Variants in CCDC50 observed in about 807,000 individuals in gnomAD.
CCDC50 encodes the protein coiled-coil domain containing 50.
A neutral mutation model predicts 70.2 loss-of-function variants in CCDC50; 54 were observed. That is an observed-to-expected ratio of 0.77 (90% CI 0.62 to 0.96). The LOEUF is 0.96. Among genes scored for constraint, CCDC50 ranks in the 50% least tolerant of loss-of-function variants. The pLI, the probability that CCDC50 is intolerant of heterozygous loss-of-function variation, is 0.00. For missense variants in CCDC50, 558 were observed against 578.7 expected (o/e 0.96, Z 0.37); for synonymous variants, 216 against 198.8 (o/e 1.09, Z -0.73).
chr3:191,382,861 G>T, intron 10 of CCDC50, 36 bp downstream of exon 10: 2 of 1,468,382 alleles, frequency 1.4e-6, no homozygotes, highest in South Asian at 1.1e-5. Flanking sequence ...TGAGGAAGTT[G>T]ACTTTGGGGT....
chr3:191,391,669 C>A, intron 11 of CCDC50, 72 bp from the exon 12 acceptor site: 1 of 1,304,686 alleles, frequency 7.7e-7, no homozygotes, highest in Non-Finnish European at 1.1e-6. Flanking sequence ...TTTACTTGGG[C>A]AGGGAGAAAA....
At chr3:191,362,663 C>G (rs1012016598) in intron 4 of CCDC50, among the ~76,000 whole-genome samples, 3 of 152,176 alleles carry the variant, frequency 2.0e-5, no homozygotes, top group Non-Finnish European at 4.4e-5. Flanking sequence ...CAAACTGGCA[C>G]TTATGATCAT....
At chr3:191,378,748 T>C (rs555559521) in intron 6 of CCDC50, among the ~76,000 whole-genome samples, 1 of 151,728 alleles carries the variant, frequency 6.6e-6, no homozygotes, top group East Asian at 1.9e-4. Flanking sequence ...TGTTTGTTTG[T>C]TTGTTTGTTT....
chr3:191,359,111 A>G (rs994338805), intron 3 of CCDC50, among the ~76,000 whole-genome samples: 4 of 152,216 alleles, frequency 2.6e-5, no homozygotes, highest in Non-Finnish European at 5.9e-5. Context: ...CACCTTGAGC[A>G]TTGTGTATCT....
intron 10 of CCDC50, among the ~76,000 whole-genome samples, chr3:191,385,264 T>C (rs1713448943): frequency 6.6e-6 from 1 of 152,222 alleles, no homozygotes; most frequent in Non-Finnish European, 1.5e-5. Context: ...ATTGAACTAA[T>C]CTGAATTCCC....
chr3:191,344,545 T>G (rs550551275), intron 1 of CCDC50, among the ~76,000 whole-genome samples: 1 of 152,332 alleles, frequency 6.6e-6, no homozygotes, highest in South Asian at 2.1e-4. Flanking sequence ...ATATTGATTT[T>G]GGTTCAGCTT....
At chr3:191,368,229 C>T (rs1029075886) in intron 4 of CCDC50, among the ~76,000 whole-genome samples, 1 of 151,824 alleles carries the variant, frequency 6.6e-6, no homozygotes, top group African/African-American at 2.4e-5. Context: ...GTTTTTCCAT[C>T]AAAGTCTTAG....
chr3:191,370,466 TTTTTTTTGTTTG>T (rs1417862839), intron 5 of CCDC50, among the ~76,000 whole-genome samples: 6 of 142,928 alleles, frequency 4.2e-5, no homozygotes, highest in Non-Finnish European at 9.1e-5. Flanking sequence ...CATGCGGTGG[TTTTTTTTGTTTG>T]TTTTTTTGTT....
chr3:191,375,415 C>T lies in CCDC50; in HGVS notation c.802C>T (p.Gln268Ter). The T allele has an allele frequency of 6.2e-7, 1 of 1,613,780 alleles. No individual in the cohort carries two copies. Among genetic ancestry groups the T allele is most frequent in the Non-Finnish European group, 8.5e-7 (1 of 1,179,852 alleles). ...INHQTRNWEK[Q>*]SRHQDRLSPK... is the part of the protein sequence containing the mutation. ...CCATCAGACTCGAAATTGGGAAAAACAGTCTCGACACCAAGATCGACTTTC... is the reference window on the plus strand; with the variant it reads ...CCATCAGACTCGAAATTGGGAAAAATAGTCTCGACACCAAGATCGACTTTC... The change falls in exon 6 of 12, where the codon CAG (glutamine) becomes TAG (stop). Residue 268 changes from glutamine to a stop codon, truncating the protein, a stop_gained. Transcript: ENST00000392455. LOFTEE classifies it high-confidence loss of function.
At chr3:191,388,856 C>T (rs1273752558) in intron 10 of CCDC50, among the ~76,000 whole-genome samples, 1 of 151,320 alleles carries the variant, frequency 6.6e-6, no homozygotes, top group African/African-American at 2.4e-5. Flanking sequence ...TGCTTCAGTG[C>T]TACATGTTTG....
intron 4 of CCDC50, among the ~76,000 whole-genome samples, chr3:191,367,261 C>G (rs1189918764): frequency 6.6e-6 from 1 of 151,964 alleles, no homozygotes; most frequent in Non-Finnish European, 1.5e-5. Context: ...TTTTTCTCTC[C>G]TGGTTCTTTA....
chr3:191,377,328 C>G (rs1180851485), intron 6 of CCDC50, among the ~76,000 whole-genome samples: 1 of 152,106 alleles, frequency 6.6e-6, no homozygotes, highest in Non-Finnish European at 1.5e-5. Context: ...GCCAAACTTA[C>G]ATTAATAATG....
rs1713904011 is a variant in CCDC50, at chr3:191,397,660, T to TA, written c.*5900_*5901insA. On this transcript the variant is annotated 3_prime_UTR_variant, in exon 12 of 12. Coordinates refer to ENST00000392455, the MANE Select transcript of CCDC50 (RefSeq NM_178335.3). Reference sequence around the variant, plus strand: ...GTGATGCTATCATTTGTCTCATAATTTAGAAACGTGATCTCTTGAGAGAGA... The same window carrying TA: ...GTGATGCTATCATTTGTCTCATAATTATAGAAACGTGATCTCTTGAGAGAGA... The TA allele has an allele frequency of 6.8e-6, 1 of 147,996 alleles. No homozygotes were observed. Among genetic ancestry groups the TA allele is most frequent in the Admixed American group, 6.7e-5 (1 of 15,024 alleles). 9.2% of individuals were successfully genotyped at this position (147,996 alleles called of 1,614,324 possible). A position where few individuals can be genotyped will look rare whatever the true frequency, so the allele number is the denominator to read the frequency against.
At chr3:191,366,321 G>T (rs544810324) in intron 4 of CCDC50, among the ~76,000 whole-genome samples, 3 of 152,038 alleles carry the variant, frequency 2.0e-5, no homozygotes, top group African/African-American at 7.2e-5. Flanking sequence ...CCTTTCTCTA[G>T]TATACTAGAG....
At chr3:191,372,781 T>G (rs997111844) in intron 5 of CCDC50, among the ~76,000 whole-genome samples, 3 of 152,150 alleles carry the variant, frequency 2.0e-5, no homozygotes, top group African/African-American at 7.2e-5. Flanking sequence ...AGCCACTTAT[T>G]GAAGTCATAT....
chr3:191,364,885 T>C (rs562097884), intron 4 of CCDC50, among the ~76,000 whole-genome samples: 10 of 152,306 alleles, frequency 6.6e-5, no homozygotes, highest in Admixed American at 5.2e-4. Flanking sequence ...TCTGTCTCTG[T>C]TTATTTTTAA....
rs535387682 is a variant in CCDC50, at chr3:191,338,505, A to T, written c.49+8782A>T. Among the ~76,000 whole-genome samples the T allele has an allele frequency of 7.2e-5, 11 of 152,310 alleles. No individual in the cohort carries two copies. The South Asian group carries it at 1.7e-3, about 23-fold the overall frequency. ...AGGGCTATTCACTCTCAATGTCTGCATTTATAGATCACTTTCTGGCTTTTC... is the reference window on the plus strand; with the variant it reads ...AGGGCTATTCACTCTCAATGTCTGCTTTTATAGATCACTTTCTGGCTTTTC... On this transcript the variant is annotated intron_variant, in intron 1 of 11. Coordinates refer to ENST00000392455, the MANE Select transcript of CCDC50 (RefSeq NM_178335.3).
intron 9 of CCDC50, among the ~76,000 whole-genome samples, chr3:191,381,626 A>T (rs1560170773): frequency 6.6e-6 from 1 of 152,138 alleles, no homozygotes; most frequent in African/African-American, 2.4e-5. Flanking sequence ...TCCTGATAGT[A>T]GTGTATAATG....
In CCDC50 at chr3:191,329,510, G is replaced by A; in HGVS notation, c.-165G>A. The A allele has an allele frequency of 6.7e-6, 4 of 599,226 alleles. No homozygotes were observed. The highest frequency in any genetic ancestry group is 2.7e-5 in the South Asian group (1 of 36,752). The allele number at this position is 599,226 out of a possible 1,614,324, so 37.1% of individuals were successfully genotyped here. On this transcript the variant is annotated 5_prime_UTR_variant, in exon 1 of 12. Transcript: ENST00000392455. ...TCGGGGACCGTCTCCCGCTGCTTTG[G>A]TCACCAGCCCCTGCCCGCCCGACCC...
Sources: gnomAD v4.1 joint callset for allele counts (sites outside exome capture counted in the v4.1 genomes callset) on GRCh38, gnomAD v4.1.1 for gene constraint, MANE v1.5 for transcripts, NCBI Gene and HGNC (gene_info 2026-07-23, HGNC 2026-07-21) for gene names.